The following HACE1 variants were observed in gnomAD, a reference collection of about 807,000 sequenced individuals.
HACE1 encodes E3 ubiquitin-protein ligase HACE1.
A neutral mutation model predicts 118.4 loss-of-function variants in HACE1; 73 were observed. That is an observed-to-expected ratio of 0.62 (90% CI 0.51 to 0.75). HACE1 has a LOEUF of 0.75. Among genes scored for constraint, HACE1 ranks in the 30% least tolerant of loss-of-function variants. The probability of loss-of-function intolerance (pLI) is 0.00; values close to 1 mark genes in which losing one functional copy is unlikely to be tolerated. For missense variants in HACE1, 749 were observed against 1,102.2 expected, an observed-to-expected ratio of 0.68 and a Z score of 4.54; for synonymous variants, 368 against 374.8, an observed-to-expected ratio of 0.98 and a Z score of 0.21.
At position 104,759,818 on chromosome 6, in the gene HACE1, A is replaced by G. The variant is rs185990798; in HGVS notation, c.2212-9346T>C. 1.1e-4 allele frequency among the ~76,000 whole-genome samples: 17 copies of G among 151,590 alleles called. 1 individual carries two copies. In the East Asian group the frequency reaches 2.9e-3, roughly 26 times the overall value. On this transcript the variant is annotated intron_variant, in intron 19 of 23. Transcript: ENST00000262903. Reference sequence around the variant, plus strand: ...TACACAGCTAGCAAGACTAATAAAGATGAAAAGAGAGAAGAATAAAATACA... The same window carrying G: ...TACACAGCTAGCAAGACTAATAAAGGTGAAAAGAGAGAAGAATAAAATACA...
chr6:104,752,741 TTTAA>T (rs1363410745), intron 19 of HACE1, among the ~76,000 whole-genome samples: 2 of 152,138 alleles, frequency 1.3e-5, no homozygotes, highest in Non-Finnish European at 2.9e-5. Context: ...CATTTTATTT[TTTAA>T]TTAATTTTTA....
At chr6:104,746,697 T>C (rs1427364371) in intron 20 of HACE1, among the ~76,000 whole-genome samples, 1 of 152,208 alleles carries the variant, frequency 6.6e-6, no homozygotes, top group African/African-American at 2.4e-5. Flanking sequence ...TGTTTATTCT[T>C]AACACTGCCC....
At chr6:104,762,067 G>T (rs1346988759) in intron 19 of HACE1, among the ~76,000 whole-genome samples, 1 of 152,206 alleles carries the variant, frequency 6.6e-6, no homozygotes, top group Admixed American at 6.5e-5. Flanking sequence ...TGGAGAGGTT[G>T]TGGAGAAAGA....
chr6:104,849,218 G>A lies in HACE1; in HGVS notation c.250C>T (p.Leu84=). 1 of 1,606,360 alleles carries A rather than the reference G, an allele frequency of 6.2e-7. No individual in the cohort carries two copies. The highest frequency in any genetic ancestry group is 8.5e-7 in the Non-Finnish European group (1 of 1,173,100). Residue 84 remains leucine, a synonymous_variant, in exon 4 of 24, where the codon CTG becomes TTG. Transcript: ENST00000262903. ...NCGSVECLVL[L]LKKGANPNYQ... is the part of the protein sequence containing the mutation. ...TTAGGATTTGCTCCTTTCTTTAACA[G>A]CAAAACCAAGCATTCCACCGATCCA...
Position 104,766,651 on chromosome 6 carries a change from G to C in HACE1, c.2211+4542C>G, listed in dbSNP as rs561692277. Among the ~76,000 whole-genome samples, 21 of 152,314 alleles carry C rather than the reference G, an allele frequency of 1.4e-4. No individual in the cohort carries two copies. The East Asian group carries it at 4.0e-3, about 29-fold the overall frequency. On this transcript the variant is annotated intron_variant, in intron 19 of 23. Transcript: ENST00000262903. ...GAAATCGTTAAAACATACTAAATTT[G>C]TATTTGCTACTTTGTTCACATTCAC...
chr6:104,823,328 G>A (rs776147040), intron 6 of HACE1, among the ~76,000 whole-genome samples: 35 of 151,982 alleles, frequency 2.3e-4, no homozygotes, highest in African/African-American at 6.3e-4. Context: ...CAGCTACTTC[G>A]GAGGCTGACG....
At position 104,742,961 on chromosome 6, in the gene HACE1, A is replaced by C. The variant is rs573459324; in HGVS notation, c.2513+1199T>G. 3.7e-4 allele frequency among the ~76,000 whole-genome samples: 56 copies of C among 152,208 alleles called. 2 individuals carry two copies. In the South Asian group the frequency reaches 0.012, roughly 32 times the overall value. The stretch of plus-strand genomic sequence containing the variant: ...GATTAAGAAAATGTGGCACATAAAC[A>C]CCATGGAATACTATGCAGCCATAAA... On this transcript the variant is annotated intron_variant, in intron 22 of 23. Transcript: ENST00000262903.
chr6:104,737,121 TAA>T (rs34153414), intron 22 of HACE1, among the ~76,000 whole-genome samples: 39 of 142,468 alleles, frequency 2.7e-4, no homozygotes, highest in African/African-American at 3.8e-4. Flanking sequence ...TCATCTCTAC[TAA>T]AAAAAAAAAA....
chr6:104,785,120 T>A lies in HACE1; in HGVS notation c.1274A>T (p.Glu425Val). ...SYENLSTGTR[E>V]SKPDALAGRQ... ...CCCTGCAAGAGCATCTGGTTTAGAT[T>A]CCCTTGTGCCAGTGGACAGATTTTC... Residue 425 changes from glutamate to valine, a missense_variant, in exon 12 of 24, where the codon GAA becomes GTA. Glu to Val is a moderately radical substitution (Grantham distance 121). Around this residue, in one of 5 missense-constraint regions of HACE1, gnomAD observed 267 missense variants for 312.2 expected, o/e 0.86. Coordinates refer to ENST00000262903, the MANE Select transcript of HACE1 (RefSeq NM_020771.4). 6.2e-7 allele frequency: 1 copy of A among 1,613,898 alleles called. No individual in the cohort carries two copies. Among genetic ancestry groups the A allele is most frequent in the Non-Finnish European group, 8.5e-7 (1 of 1,179,820 alleles).
At chr6:104,783,240 C>G (rs1051278958) in intron 14 of HACE1, among the ~76,000 whole-genome samples, 2 of 152,166 alleles carry the variant, frequency 1.3e-5, no homozygotes, top group Non-Finnish European at 2.9e-5. Context: ...TCTGCCTCCT[C>G]TGAAATTTCC....
chr6:104,799,195 T>A (rs1183907053), intron 7 of HACE1, among the ~76,000 whole-genome samples: 1 of 152,238 alleles, frequency 6.6e-6, no homozygotes, highest in Non-Finnish European at 1.5e-5. Flanking sequence ...ATTGTTAAAT[T>A]AAGCAAACAG....
chr6:104,859,867 G>A lies in HACE1; in HGVS notation c.-225C>T. 3 of 496,736 alleles carry A rather than the reference G, an allele frequency of 6.0e-6. No homozygotes were observed. Among genetic ancestry groups the A allele is most frequent in the Non-Finnish European group, 1.1e-5 (3 of 282,978 alleles). The allele number at this position is 496,736 out of a possible 1,614,324, so 30.8% of individuals were successfully genotyped here. ...TACACCCGCCGCCGCCTCTGCTCGC[G>A]CCTTTCCTGCAGCCCCCGCCGCCGC... On this transcript the variant is annotated 5_prime_UTR_variant, in exon 1 of 24. Transcript: ENST00000262903.
chr6:104,766,987 A>G (rs1780088039), intron 19 of HACE1: 1 of 152,194 alleles, frequency 6.6e-6, no homozygotes. Flanking sequence ...CACCTCACAG[A>G]GTTAAGTATA....
chr6:104,840,598 G>C lies in HACE1; in HGVS notation c.402+2625C>G, dbSNP rs370222237. ...AATCCGAGCACTTTGGGTAGCCAAGGCGGGTGGATCACCTGAGGTCAGGAG... is the reference window on the plus strand; with the variant it reads ...AATCCGAGCACTTTGGGTAGCCAAGCCGGGTGGATCACCTGAGGTCAGGAG... On this transcript the variant is annotated intron_variant, in intron 5 of 23. Transcript: ENST00000262903. 4.6e-5 allele frequency among the ~76,000 whole-genome samples: 7 copies of C among 152,228 alleles called. No homozygotes were observed. In the East Asian group the frequency reaches 9.7e-4, roughly 21 times the overall value.
chr6:104,797,279 TG>T (rs1769759798), intron 7 of HACE1, among the ~76,000 whole-genome samples: 1 of 152,124 alleles, frequency 6.6e-6, no homozygotes, highest in Middle Eastern at 3.4e-3. Flanking sequence ...CATAATATTT[TG>T]GGGATAAGTA....
intron 5 of HACE1, among the ~76,000 whole-genome samples, chr6:104,837,846 G>A (rs1336191774): frequency 6.6e-6 from 1 of 152,114 alleles, no homozygotes; most frequent in Non-Finnish European, 1.5e-5. Context: ...AAAACTGTTA[G>A]AACTGGTAAA....
chr6:104,734,749 T>C (rs974882684), intron 22 of HACE1, among the ~76,000 whole-genome samples: 3 of 152,174 alleles, frequency 2.0e-5, no homozygotes, highest in African/African-American at 7.2e-5. Flanking sequence ...AGAATGACTG[T>C]ACTATTTAAA....
At chr6:104,744,273 T>C (rs111596303) in intron 21 of HACE1, 43 bp from the exon 22 acceptor site, 273 of 1,188,482 alleles carry the variant, frequency 2.3e-4, no homozygotes, top group African/African-American at 1.8e-3. Context: ...TTCAGAGCAA[T>C]TGTAGACTTC....
In HACE1 at chr6:104,859,728, G is replaced by A. The variant is rs1222165068; in HGVS notation, c.-86C>T. 8.1e-6 allele frequency: 10 copies of A among 1,237,504 alleles called. No homozygotes were observed. The highest frequency in any genetic ancestry group is 3.4e-6 in the Non-Finnish European group (3 of 892,322). 76.7% of individuals were successfully genotyped at this position (1,237,504 alleles called of 1,614,324 possible). ...AGAGCCCTACATCTCGCCTGGGCCC[G>A]TCCAGCAGGCGGAGACGCGGGCTTG... On this transcript the variant is annotated 5_prime_UTR_variant, in exon 1 of 24. The change creates a new upstream start codon in the 5' untranslated region. Coordinates refer to ENST00000262903, the MANE Select transcript of HACE1 (RefSeq NM_020771.4).
Sources: gnomAD v4.1 joint callset for allele counts (sites outside exome capture counted in the v4.1 genomes callset) on GRCh38, gnomAD v4.1.1 for gene constraint, gnomAD v4.1.1 regional missense constraint, MANE v1.5 for transcripts, NCBI Gene and HGNC (gene_info 2026-07-23, HGNC 2026-07-21) for gene names.